The following SLAIN1 variants were observed in gnomAD, a reference collection of about 807,000 sequenced individuals.
The protein encoded by SLAIN1 is SLAIN motif-containing protein 1.
Under a neutral mutation model 55.4 loss-of-function variants are expected in SLAIN1, and 17 were observed. The ratio of observed to expected loss-of-function variants is 0.31; its 90% CI spans 0.21 to 0.46. SLAIN1 has a LOEUF of 0.46. SLAIN1 is among the 20% of genes least tolerant of loss of function. The pLI is 1.00. For missense variants in SLAIN1, 682 were observed against 785.1 expected, an observed-to-expected ratio of 0.87 and a Z score of 1.57; for synonymous variants, 348 against 337.4, an observed-to-expected ratio of 1.03 and a Z score of -0.35.
In SLAIN1 at chr13:77,748,398, CTTTTTTTTTTTTTT is replaced by C. The variant is rs934265928; in HGVS notation, c.1258+1556_1258+1569del. On this transcript the variant is annotated intron_variant, in intron 4 of 6. Coordinates refer to ENST00000418532, the MANE Select transcript of SLAIN1 (RefSeq NM_001242868.2). ...GGCACCTAGAGTTATTTCTCTAAAGCTTTTTTTTTTTTTTTTTTTTTTTTTTACTTAAAGTGTTT... is the reference window on the plus strand; with the variant it reads ...GGCACCTAGAGTTATTTCTCTAAAGCTTTTTTTTTTTTACTTAAAGTGTTT... Among the ~76,000 whole-genome samples, 16 of 79,564 alleles carry C rather than the reference CTTTTTTTTTTTTTT, an allele frequency of 2.0e-4. 2 individuals are homozygous for C. Among genetic ancestry groups the C allele is most frequent in the Admixed American group, 9.7e-4 (7 of 7,236 alleles). The allele number at this position is 79,564 out of a possible 152,430, so 52.2% of individuals were successfully genotyped here.
intron 2 of SLAIN1, among the ~76,000 whole-genome samples, chr13:77,734,568 A>G: frequency 6.6e-6 from 1 of 152,184 alleles, no homozygotes; most frequent in East Asian, 1.9e-4. Flanking sequence ...CTGAGCAAAG[A>G]CTAAGTCGCC....
At chr13:77,701,481 A>G (rs74095844) in intron 1 of SLAIN1, among the ~76,000 whole-genome samples, 1,824 of 152,184 alleles carry the variant, frequency 0.012, 35 homozygotes, top group African/African-American at 0.042. Context: ...CTTTGAGATC[A>G]TTTTTCTGAA....
In SLAIN1 at chr13:77,763,201, G is replaced by T; in HGVS notation, c.1754G>T (p.Trp585Leu). 3.7e-6 allele frequency: 6 copies of T among 1,613,992 alleles called. No individual in the cohort carries two copies. The highest frequency in any genetic ancestry group is 5.1e-6 in the Non-Finnish European group (6 of 1,179,884). ...SSLSTLRDGN[W>L]RDGCY Reference sequence around the variant, plus strand: ...CTCAGCACTCTGAGGGATGGAAATTGGAGAGATGGTTGCTACTAATGCAGT... The same window carrying T: ...CTCAGCACTCTGAGGGATGGAAATTTGAGAGATGGTTGCTACTAATGCAGT... Residue 585 changes from tryptophan to leucine, a missense_variant, in exon 7 of 7, where the codon TGG becomes TTG. Physicochemically the swap from Trp to Leu is moderately conservative, Grantham distance 61. Coordinates refer to ENST00000418532, the MANE Select transcript of SLAIN1 (RefSeq NM_001242868.2).
chr13:77,752,788 A>T (rs982340157), intron 4 of SLAIN1, among the ~76,000 whole-genome samples: 1 of 152,164 alleles, frequency 6.6e-6, no homozygotes, highest in African/African-American at 2.4e-5. Context: ...AGCACAGGAG[A>T]AAGGTGAAGT....
intron 2 of SLAIN1, among the ~76,000 whole-genome samples, chr13:77,734,565 A>C (rs998538473): frequency 1.3e-5 from 2 of 152,160 alleles, no homozygotes; most frequent in South Asian, 4.1e-4. Context: ...CAACTGAGCA[A>C]AGACTAAGTC....
chr13:77,761,915 A>G (rs1463290728), intron 6 of SLAIN1, among the ~76,000 whole-genome samples: 1 of 152,228 alleles, frequency 6.6e-6, no homozygotes, highest in Non-Finnish European at 1.5e-5. Flanking sequence ...AGCTCTTTCA[A>G]GAAATTAGGA....
chr13:77,710,934 T>G (rs888158109), intron 1 of SLAIN1, among the ~76,000 whole-genome samples: 8 of 152,202 alleles, frequency 5.3e-5, no homozygotes, highest in African/African-American at 1.2e-4. Context: ...AGAAACTGAC[T>G]GAAAACCGCA....
At chr13:77,712,532 A>G (rs2091162841) in intron 1 of SLAIN1, among the ~76,000 whole-genome samples, 1 of 152,234 alleles carries the variant, frequency 6.6e-6, no homozygotes, top group Non-Finnish European at 1.5e-5. Flanking sequence ...TTCAAGTACT[A>G]CAAACCAGTG....
chr13:77,718,109 AT>A (rs946035835), intron 1 of SLAIN1, among the ~76,000 whole-genome samples: 2 of 151,936 alleles, frequency 1.3e-5, no homozygotes, highest in Non-Finnish European at 2.9e-5. Context: ...AAAAAAAAAA[AT>A]ATATTGGACT....
intron 6 of SLAIN1, 68 bp from the exon 7 acceptor site, chr13:77,763,077 C>T: frequency 7.4e-7 from 1 of 1,344,998 alleles, no homozygotes; most frequent in Non-Finnish European, 1.1e-6. Context: ...GAGAGTAGGT[C>T]AAAGTGAGTG....
chr13:77,714,399 C>G (rs991402998), intron 1 of SLAIN1, among the ~76,000 whole-genome samples: 2 of 152,062 alleles, frequency 1.3e-5, no homozygotes, highest in Non-Finnish European at 2.9e-5. Context: ...ATCACTTGAG[C>G]CCAGGCTTTT....
At position 77,763,567 on chromosome 13, in the gene SLAIN1, C is replaced by T. The variant is rs1232588815; in HGVS notation, c.*347C>T. 2.0e-5 allele frequency: 4 copies of T among 203,024 alleles called. No individual in the cohort carries two copies. Among genetic ancestry groups the T allele is most frequent in the South Asian group, 2.5e-4 (2 of 8,106 alleles). 12.6% of individuals were successfully genotyped at this position (203,024 alleles called of 1,614,324 possible). A position where few individuals can be genotyped will look rare whatever the true frequency, so the allele number is the denominator to read the frequency against. On this transcript the variant is annotated 3_prime_UTR_variant, in exon 7 of 7. Transcript: ENST00000418532. ...TAAAGTAACTTGTTCAATTTACTCACGTGTTCTAAACATCTTTCCATTACA... is the reference window on the plus strand; with the variant it reads ...TAAAGTAACTTGTTCAATTTACTCATGTGTTCTAAACATCTTTCCATTACA...
chr13:77,761,641 A>T (rs1194756325), intron 6 of SLAIN1, among the ~76,000 whole-genome samples: 1 of 152,228 alleles, frequency 6.6e-6, no homozygotes, highest in East Asian at 1.9e-4. Flanking sequence ...CCCTCCTCCC[A>T]CACATTTATG....
intron 4 of SLAIN1, among the ~76,000 whole-genome samples, chr13:77,750,934 T>G (rs530427590): frequency 7.2e-5 from 11 of 152,298 alleles, no homozygotes; most frequent in Admixed American, 2.0e-4. Flanking sequence ...ATTATCTAAG[T>G]ATACTTATTG....
rs187079402 is a variant in SLAIN1, at chr13:77,705,243, A to T, written c.626+6704A>T. ...TCAGGGTTATCATGGGCTTTATATTATTTTTGTTCTCCCAGCATAGAATGT... is the reference window on the plus strand; with the variant it reads ...TCAGGGTTATCATGGGCTTTATATTTTTTTTGTTCTCCCAGCATAGAATGT... On this transcript the variant is annotated intron_variant, in intron 1 of 6. Transcript: ENST00000418532. Among the ~76,000 whole-genome samples, 199 of 151,814 alleles carry T rather than the reference A, an allele frequency of 1.3e-3. 2 individuals are homozygous for T. The Middle Eastern group carries it at 0.02, about 16-fold the overall frequency.
At chr13:77,699,781 G>A (rs1956609990) in intron 1 of SLAIN1, among the ~76,000 whole-genome samples, 1 of 152,082 alleles carries the variant, frequency 6.6e-6, no homozygotes, top group Admixed American at 6.5e-5. Context: ...GGTAGCTCAA[G>A]GTGTAAAAAA....
intron 2 of SLAIN1, among the ~76,000 whole-genome samples, chr13:77,740,541 T>C (rs1873371480): frequency 7.1e-6 from 1 of 140,728 alleles, no homozygotes; most frequent in African/African-American, 2.6e-5. Context: ...CCCCCCCCCT[T>C]TTTTTATAAA....
chr13:77,729,496 T>C (rs2091337380), intron 2 of SLAIN1, among the ~76,000 whole-genome samples: 1 of 149,238 alleles, frequency 6.7e-6, no homozygotes, highest in South Asian at 2.2e-4. Context: ...TCTATCATAG[T>C]GAAATTCTTT....
intron 1 of SLAIN1, among the ~76,000 whole-genome samples, chr13:77,704,053 A>AAG (rs1372364829): frequency 4.2e-5 from 3 of 72,258 alleles, no homozygotes; most frequent in South Asian, 3.9e-4. Flanking sequence ...CATGTTTTAT[A>AAG]TGTATATATA....
Sources: gnomAD v4.1 joint callset for allele counts (sites outside exome capture counted in the v4.1 genomes callset) on GRCh38, gnomAD v4.1.1 for gene constraint, MANE v1.5 for transcripts, NCBI Gene and HGNC (gene_info 2026-07-23, HGNC 2026-07-21) for gene names.